AZI2: variants seen among roughly 807,000 people sequenced by gnomAD.
AZI2 encodes the protein 5-azacytidine-induced protein 2.
In AZI2, 22 loss-of-function variants were observed where a neutral mutation model predicts 45.8. That is an observed-to-expected ratio of 0.48 (90% CI 0.34 to 0.69). The LOEUF is 0.69. AZI2 is among the 30% of genes least tolerant of loss of function. The pLI, the probability that AZI2 is intolerant of heterozygous loss-of-function variation, is 0.01. For missense variants in AZI2, 417 were observed against 441.5 expected, an observed-to-expected ratio of 0.94 and a Z score of 0.50; for synonymous variants, 137 against 156.7, an observed-to-expected ratio of 0.87 and a Z score of 0.94.
At position 28,322,442 on chromosome 3, in the gene AZI2, T is replaced by G. The variant is rs1577115108; in HGVS notation, c.*1600A>C. 1.3e-5 allele frequency: 2 copies of G among 151,794 alleles called. No individual in the cohort carries two copies. Among genetic ancestry groups the G allele is most frequent in the East Asian group, 1.9e-4 (1 of 5,150 alleles). 9.4% of individuals were successfully genotyped at this position (151,794 alleles called of 1,614,324 possible). A position where few individuals can be genotyped will look rare whatever the true frequency, so the allele number is the denominator to read the frequency against. On this transcript the variant is annotated 3_prime_UTR_variant, in exon 8 of 8. Coordinates refer to ENST00000479665, the MANE Select transcript of AZI2 (RefSeq NM_022461.5). ...ATCAAGCAATTATCTCATAAGACTT[T>G]TTTTCTTTACAAAGGAAAATTTCCA... is the stretch of plus-strand genomic sequence containing the variant.
intron 2 of AZI2, 93 bp from the exon 3 acceptor site, chr3:28,338,708 T>C: frequency 8.6e-7 from 1 of 1,158,840 alleles, no homozygotes; most frequent in Non-Finnish European, 1.2e-6. Context: ...CTTACTTCAA[T>C]CGTAATAAGG....
intron 1 of AZI2, among the ~76,000 whole-genome samples, chr3:28,342,756 A>C (rs1221853001): frequency 2.0e-5 from 3 of 150,930 alleles, no homozygotes; most frequent in Admixed American, 6.6e-5. Flanking sequence ...CACTCCCCTT[A>C]AAAGTAGAGC....
chr3:28,326,788 GC>G (rs1703406808), intron 7 of AZI2, 43 bp downstream of exon 7: 1 of 1,389,398 alleles, frequency 7.2e-7, no homozygotes, highest in African/African-American at 1.4e-5. Context: ...TGCTCTTCAG[GC>G]AGTTTGGCTG....
At position 28,346,778 on chromosome 3, in the gene AZI2, G is replaced by C. The variant is rs549041795; in HGVS notation, c.-6+1823C>G. ...TTCCCCTTTCTCAATTTGTAAAATA[G>C]CCTAACTAGTTTATAAAGAAGGGTC... is the stretch of plus-strand genomic sequence containing the variant. On this transcript the variant is annotated intron_variant, in intron 1 of 7. Coordinates refer to ENST00000479665, the MANE Select transcript of AZI2 (RefSeq NM_022461.5). 4.7e-4 allele frequency among the ~76,000 whole-genome samples: 71 copies of C among 152,236 alleles called. 1 individual carries two copies. Among genetic ancestry groups the C allele is most frequent in the African/African-American group, 1.7e-3 (69 of 41,548 alleles).
At chr3:28,340,086 CTT>C (rs770254371) in intron 2 of AZI2, among the ~76,000 whole-genome samples, 3 of 144,528 alleles carry the variant, frequency 2.1e-5, no homozygotes, top group African/African-American at 2.5e-5. Flanking sequence ...GTTGGTATAT[CTT>C]TTTTTTTTTT....
At chr3:28,332,326 G>A (rs746983701) in intron 6 of AZI2, 43 bp downstream of exon 6, 4 of 1,531,754 alleles carry the variant, frequency 2.6e-6, no homozygotes, top group Non-Finnish European at 3.6e-6. Context: ...GTGACTTATG[G>A]AAGAAGACAA....
intron 6 of AZI2, among the ~76,000 whole-genome samples, chr3:28,331,165 TC>T (rs1703555656): frequency 2.0e-5 from 3 of 151,414 alleles, no homozygotes; most frequent in African/African-American, 7.3e-5. Context: ...ATCACATGCT[TC>T]AAATGTACTA....
At chr3:28,331,988 C>T (rs1400644814) in intron 6 of AZI2, 3 of 1,330,250 alleles carry the variant, frequency 2.3e-6, no homozygotes, top group South Asian at 2.5e-5. Flanking sequence ...AAATAAATTT[C>T]ATGCTATCCC....
intron 1 of AZI2, among the ~76,000 whole-genome samples, chr3:28,343,729 C>G (rs1366711247): frequency 1.3e-5 from 2 of 151,926 alleles, no homozygotes; most frequent in Non-Finnish European, 2.9e-5. Flanking sequence ...TGAACCAGGA[C>G]TTGGATTTTA....
chr3:28,348,329 G>GA (rs1012099949), intron 1 of AZI2: 62 of 152,278 alleles, frequency 4.1e-4, no homozygotes, highest in African/African-American at 1.4e-3. Context: ...GTAAGAGTAC[G>GA]AAAAGAAAAG....
Position 28,324,325 on chromosome 3 carries a change from G to A in AZI2, c.896C>T (p.Thr299Ile), listed in dbSNP as rs757475178. The A allele has an allele frequency of 1.3e-5, 21 of 1,605,694 alleles. No individual in the cohort carries two copies. Among genetic ancestry groups the A allele is most frequent in the Admixed American group, 1.0e-4 (6 of 59,338 alleles). ...TACATCTCCTGGTAAAGGGGAAGATGTGGTATGACAAAGAGCTTTGCCATT... is the reference window on the plus strand; with the variant it reads ...TACATCTCCTGGTAAAGGGGAAGATATGGTATGACAAAGAGCTTTGCCATT... The part of the protein sequence containing the change: ...LPNGKALCHT[T>I]SSPLPGDVKV... The change falls in exon 8 of 8, where the codon ACA (threonine) becomes ATA (isoleucine). Residue 299 changes from threonine (T) to isoleucine (I), a missense_variant. Transcript: ENST00000479665.
chr3:28,325,139 AAAAC>A (rs1292266503), intron 7 of AZI2: 13 of 150,220 alleles, frequency 8.7e-5, no homozygotes, highest in Admixed American at 6.0e-4. Flanking sequence ...AAAAAAAAAA[AAAAC>A]AGCCAAAAAA....
rs1264113501 is a variant in AZI2 at position 28,336,854 on chromosome 3, G to C, written c.471C>G (p.Asn157Lys). The change falls in exon 5 of 8, where the codon AAC (asparagine) becomes AAG (lysine). Residue 157 changes from asparagine to lysine, a missense_variant. Transcript: ENST00000479665. ...VMRNLNPPSSNWEVEKLSCDL... is the reference protein window; with the variant it reads ...VMRNLNPPSSKWEVEKLSCDL... ...CACAGCTCAACTTTTCCACCTCCCA[G>C]TTTGATGAAGGTGGATTTAAATTCC... 1 of 1,613,042 alleles carries C rather than the reference G, an allele frequency of 6.2e-7. No homozygotes were observed. The highest frequency in any genetic ancestry group is 8.5e-7 in the Non-Finnish European group (1 of 1,179,426).
In AZI2 at chr3:28,323,983, TGGGA is replaced by T; in HGVS notation, c.*55_*58del. On this transcript the variant is annotated 3_prime_UTR_variant, in exon 8 of 8. Transcript: ENST00000479665. ...CCTTTCAGTTTGTTAAATAATTTCT[TGGGA>T]GGACCACTGAAAGAGATAAGTGTCC... is the stretch of plus-strand genomic sequence containing the variant. The T allele has an allele frequency of 6.7e-7, 1 of 1,494,588 alleles. No individual in the cohort carries two copies. Among genetic ancestry groups the T allele is most frequent in the Non-Finnish European group, 9.0e-7 (1 of 1,108,200 alleles). The allele number at this position is 1,494,588 out of a possible 1,614,324, so 92.6% of individuals were successfully genotyped here.
At chr3:28,341,121 T>C (rs187488413) in intron 1 of AZI2, among the ~76,000 whole-genome samples, 1 of 152,238 alleles carries the variant, frequency 6.6e-6, no homozygotes, top group African/African-American at 2.4e-5. Context: ...TCTTAATGCA[T>C]ACTCTATCTT....
At chr3:28,345,357 A>G (rs1418373326) in intron 1 of AZI2, among the ~76,000 whole-genome samples, 1 of 152,132 alleles carries the variant, frequency 6.6e-6, no homozygotes, top group Non-Finnish European at 1.5e-5. Flanking sequence ...TTTATTTTTA[A>G]TATTATAGAA....
At chr3:28,337,445 A>G (rs899176904) in intron 4 of AZI2, among the ~76,000 whole-genome samples, 1 of 152,148 alleles carries the variant, frequency 6.6e-6, no homozygotes, top group Admixed American at 6.6e-5. Flanking sequence ...AGCTTGTCTC[A>G]TCATAATGAA....
chr3:28,336,659 T>G (rs1703803189), intron 5 of AZI2, 78 bp downstream of exon 5: 3 of 1,414,694 alleles, frequency 2.1e-6, no homozygotes, highest in Non-Finnish European at 2.9e-6. Context: ...CTCTATGGTT[T>G]AATACAATCT....
chr3:28,331,811 T>C (rs1385823782), intron 6 of AZI2: 1 of 1,535,180 alleles, frequency 6.5e-7, no homozygotes, highest in Non-Finnish European at 8.8e-7. Flanking sequence ...GTAAAAATGA[T>C]ACGTATTTGA....
Sources: gnomAD v4.1 joint callset for allele counts (sites outside exome capture counted in the v4.1 genomes callset) on GRCh38, gnomAD v4.1.1 for gene constraint, MANE v1.5 for transcripts, NCBI Gene and HGNC (gene_info 2026-07-23, HGNC 2026-07-21) for gene names.